PTPRA: variants seen among roughly 807,000 people sequenced by gnomAD.
PTPRA encodes the protein receptor-type tyrosine-protein phosphatase alpha.
PTPRA carries 25 observed loss-of-function variants against 104.8 expected under a neutral mutation model. The ratio of observed to expected loss-of-function variants is 0.24; its 90% CI spans 0.17 to 0.33. The LOEUF is 0.33. Among genes scored for constraint, PTPRA ranks in the 10% least tolerant of loss-of-function variants. The pLI is 1.00. For missense variants in PTPRA, 765 were observed against 1,015.3 expected (o/e 0.75, Z 3.35); for synonymous variants, 323 against 368.9 (o/e 0.88, Z 1.43).
intron 1 of PTPRA, among the ~76,000 whole-genome samples, chr20:2,892,154 G>A (rs868235853): frequency 1.3e-5 from 2 of 152,054 alleles, no homozygotes; most frequent in South Asian, 2.1e-4. Flanking sequence ...GCCAGGCATG[G>A]TGGCAGGTGC....
At chr20:2,897,783 G>C (rs1243444424) in intron 1 of PTPRA, among the ~76,000 whole-genome samples, 1 of 151,916 alleles carries the variant, frequency 6.6e-6, no homozygotes, top group African/African-American at 2.4e-5. Flanking sequence ...TATGAGCACA[G>C]CCTCATTGAT....
chr20:2,873,034 C>T (rs1021642131), upstream of PTPRA, among the ~76,000 whole-genome samples: 14 of 152,116 alleles, frequency 9.2e-5, no homozygotes, highest in South Asian at 2.1e-4. The surrounding 1 kb of genome is among the most constrained non-coding windows in gnomAD (Gnocchi z 4.4). Flanking sequence ...CCAGTGAGAT[C>T]CGTCGTTCTT....
intron 1 of PTPRA, among the ~76,000 whole-genome samples, chr20:2,921,783 C>T (rs150864569): frequency 6.6e-6 from 1 of 152,158 alleles, no homozygotes; most frequent in Non-Finnish European, 1.5e-5. Context: ...CTGCAGTGCA[C>T]ACCTGACGAA....
intron 3 of PTPRA, among the ~76,000 whole-genome samples, chr20:2,958,033 A>G (rs958376475): frequency 3.9e-5 from 6 of 152,076 alleles, no homozygotes; most frequent in East Asian, 1.9e-4. Flanking sequence ...GGTGTAAAAG[A>G]AGAACAGTGT....
chr20:2,893,204 A>G (rs947817966), intron 1 of PTPRA, among the ~76,000 whole-genome samples: 1 of 152,220 alleles, frequency 6.6e-6, no homozygotes, highest in Non-Finnish European at 1.5e-5. Context: ...CTGCTAATGC[A>G]GTGCCTGGTT....
At chr20:3,016,591 T>C (rs1242410319) in intron 12 of PTPRA, among the ~76,000 whole-genome samples, 1 of 152,062 alleles carries the variant, frequency 6.6e-6, no homozygotes, top group African/African-American at 2.4e-5. Flanking sequence ...CTACTAAAAA[T>C]TAGCCAGGCG....
intron 11 of PTPRA, among the ~76,000 whole-genome samples, chr20:3,014,022 G>C (rs2064311984): frequency 6.6e-6 from 1 of 152,176 alleles, no homozygotes; most frequent in Non-Finnish European, 1.5e-5. Flanking sequence ...AGGCTGTTCA[G>C]GGCCCGCATG....
intron 1 of PTPRA, among the ~76,000 whole-genome samples, chr20:2,897,384 CTTTTTTTTTTTT>C (rs60627339): frequency 1.8e-5 from 2 of 108,932 alleles, no homozygotes; most frequent in Non-Finnish European, 3.6e-5. Context: ...CTTGGCATTT[CTTTTTTTTTTTT>C]TTTTTTTTTG....
intron 2 of PTPRA, among the ~76,000 whole-genome samples, chr20:2,924,876 T>C (rs1472656474): frequency 6.6e-6 from 1 of 152,126 alleles, no homozygotes; most frequent in East Asian, 1.9e-4. Flanking sequence ...AGACAGAGTT[T>C]CACCATGTTG....
At chr20:2,869,837 G>A (rs987009612), upstream of PTPRA, among the ~76,000 whole-genome samples, 2 of 151,730 alleles carry the variant, frequency 1.3e-5, no homozygotes, top group South Asian at 4.2e-4. Flanking sequence ...GGGTGGTGGC[G>A]GGTCCTGTAA....
chr20:2,908,251 T>C (rs2059497263), intron 1 of PTPRA, among the ~76,000 whole-genome samples: 1 of 152,190 alleles, frequency 6.6e-6, no homozygotes, highest in South Asian at 2.1e-4. Context: ...ATTGATGTAT[T>C]TTGAATTCTT....
intron 9 of PTPRA, among the ~76,000 whole-genome samples, chr20:3,002,981 A>G (rs542615490): frequency 2.0e-5 from 3 of 152,296 alleles, no homozygotes; most frequent in African/African-American, 7.2e-5. Context: ...CCTCTGGGTT[A>G]CCACAGATGC....
At chr20:2,972,587 G>C (rs2062237512) in intron 5 of PTPRA, among the ~76,000 whole-genome samples, 1 of 152,090 alleles carries the variant, frequency 6.6e-6, no homozygotes, top group African/African-American at 2.4e-5. Flanking sequence ...TCTCTGTCTA[G>C]ATATTCTCAA....
At chr20:3,012,766 G>T (rs1285495778) in intron 11 of PTPRA, among the ~76,000 whole-genome samples, 1 of 152,226 alleles carries the variant, frequency 6.6e-6, no homozygotes, top group Non-Finnish European at 1.5e-5. Flanking sequence ...TTTGTGGGCT[G>T]CTAGTTAACA....
chr20:2,864,201 C>T, the PTPRA span: 3 of 1,614,188 alleles, frequency 1.9e-6, no homozygotes, highest in East Asian at 6.7e-5. The surrounding 1 kb of genome is among the most constrained non-coding windows in gnomAD (Gnocchi z 5.2). Flanking sequence ...GAGCCACGCT[C>T]AGGGGAGCAG....
intron 1 of PTPRA, among the ~76,000 whole-genome samples, chr20:2,910,219 TATATA>T (rs1038970142): frequency 5.4e-5 from 5 of 93,228 alleles, no homozygotes; most frequent in South Asian, 3.5e-4. Flanking sequence ...TTGTATATGA[TATATA>T]ATATGTATTG....
At chr20:2,920,786 A>T (rs2060069575) in intron 1 of PTPRA, among the ~76,000 whole-genome samples, 1 of 150,346 alleles carries the variant, frequency 6.7e-6, no homozygotes, top group Non-Finnish European at 1.5e-5. Flanking sequence ...GAAAGGGGGG[A>T]AAGTGATGGC....
At chr20:3,013,831 T>C (rs898209689) in intron 11 of PTPRA, among the ~76,000 whole-genome samples, 1 of 152,160 alleles carries the variant, frequency 6.6e-6, no homozygotes, top group African/African-American at 2.4e-5. Flanking sequence ...GGGAGCCACA[T>C]TTCATCTTTC....
chr20:3,037,951 A>G lies in PTPRA; in HGVS notation c.2335-108A>G. On this transcript the variant is annotated intron_variant, in intron 23 of 23. Coordinates refer to ENST00000399903, the MANE Select transcript of PTPRA (RefSeq NM_001385305.1). This position sits in a 1 kb window ranked among gnomAD's most constrained non-coding sequence, Gnocchi z 4.3. ...CTCAGGTGAAAGTTCAAAAACATTC[A>G]GTTCCTCTTGATTTTCCATCTTCAA... is the stretch of plus-strand genomic sequence containing the variant. The G allele has an allele frequency of 1.1e-6, 1 of 945,018 alleles. No homozygotes were observed. Among genetic ancestry groups the G allele is most frequent in the Non-Finnish European group, 1.7e-6 (1 of 598,322 alleles). 58.5% of individuals were successfully genotyped at this position (945,018 alleles called of 1,614,324 possible). A position where few individuals can be genotyped will look rare whatever the true frequency, so the allele number is the denominator to read the frequency against.
Sources: gnomAD v4.1 joint callset for allele counts (sites outside exome capture counted in the v4.1 genomes callset) on GRCh38, gnomAD v4.1.1 for gene constraint, Gnocchi (gnomAD v3.1) non-coding constraint, MANE v1.5 for transcripts, NCBI Gene and HGNC (gene_info 2026-07-23, HGNC 2026-07-21) for gene names.